The following EFNA5 variants were observed in gnomAD, a reference collection of about 807,000 sequenced individuals.
EFNA5 encodes ephrin-A5.
EFNA5 carries 5 observed loss-of-function variants against 22.9 expected under a neutral mutation model. The observed-to-expected ratio is 0.22, with a 90% CI of 0.11 to 0.46. The LOEUF is 0.46. EFNA5 is among the 20% of genes least tolerant of loss of function. The pLI is 0.99. For synonymous variants in EFNA5, 113 were observed against 112.2 expected, an observed-to-expected ratio of 1.01 and a Z score of -0.04; for missense variants, 237 against 293.3, an observed-to-expected ratio of 0.81 and a Z score of 1.40.
intron 1 of EFNA5, among the ~76,000 whole-genome samples, chr5:107,514,797 T>A (rs1747442477): frequency 6.6e-6 from 1 of 152,216 alleles, no homozygotes; most frequent in Admixed American, 6.5e-5. Context: ...TCCCGTCTCC[T>A]CTTTCCTTAC....
chr5:107,657,942 G>A (rs1750864999), intron 1 of EFNA5, among the ~76,000 whole-genome samples: 2 of 152,052 alleles, frequency 1.3e-5, no homozygotes, highest in South Asian at 4.1e-4. Flanking sequence ...GATTTGCTTT[G>A]AAAAAGCAAA....
At chr5:107,491,991 T>C (rs1490088727) in intron 1 of EFNA5, among the ~76,000 whole-genome samples, 1 of 152,068 alleles carries the variant, frequency 6.6e-6, no homozygotes, top group Admixed American at 6.5e-5. Flanking sequence ...CGCGCCACTA[T>C]GCCAGGCTAA....
intron 1 of EFNA5, among the ~76,000 whole-genome samples, chr5:107,602,843 G>GA (rs759024097): frequency 1.6e-5 from 2 of 124,884 alleles, no homozygotes; most frequent in Non-Finnish European, 3.6e-5. Context: ...AAGAAAGAAA[G>GA]AAAAAAATAC....
At position 107,427,414 on chromosome 5, in the gene EFNA5, G is replaced by A; in HGVS notation, c.221C>T (p.Thr74Ile). The stretch of plus-strand genomic sequence containing the variant: ...CACCATGTAGAGGACATAGCGCTCA[G>A]TCTTATCTTCTGGGACGGAGTCCTC... ...HYEDSVPEDK[T>I]ERYVLYMVNF... Residue 74 changes from threonine (T) to isoleucine (I), a missense_variant, in exon 2 of 5, where the codon ACT becomes ATT. This residue lies in a region of EFNA5 where 120 missense variants were observed against 140.5 expected (regional missense o/e 0.85). Transcript: ENST00000333274. 2 of 1,614,036 alleles carry A rather than the reference G, an allele frequency of 1.2e-6. No individual in the cohort carries two copies. The highest frequency in any genetic ancestry group is 1.7e-6 in the Non-Finnish European group (2 of 1,180,010).
intron 2 of EFNA5, among the ~76,000 whole-genome samples, chr5:107,409,061 A>G (rs754716306): frequency 2.6e-5 from 4 of 152,224 alleles, no homozygotes; most frequent in Non-Finnish European, 5.9e-5. Flanking sequence ...AAATCTTCCA[A>G]GGGGTCAGGT....
At chr5:107,479,248 ATAAT>A (rs1042054801) in intron 1 of EFNA5, among the ~76,000 whole-genome samples, 2 of 114,620 alleles carry the variant, frequency 1.7e-5, no homozygotes, top group African/African-American at 6.8e-5. Flanking sequence ...GCCAACAAAA[ATAAT>A]TAATGAAACA....
intron 1 of EFNA5, among the ~76,000 whole-genome samples, chr5:107,481,824 TG>T (rs1305756936): frequency 7.3e-6 from 1 of 136,784 alleles, no homozygotes; most frequent in Non-Finnish European, 1.5e-5. Context: ...CACTGCAGCC[TG>T]GGTGGTAGAG....
Position 107,493,574 on chromosome 5 carries a change from C to T in EFNA5, c.126-66065G>A, listed in dbSNP as rs185761990. On this transcript the variant is annotated intron_variant, in intron 1 of 4. Transcript: ENST00000333274. ...AAACAAACAAGTATATTACAAGACT[C>T]TGGAAAACCGAAGTCTTACATTTAC... 8.7e-4 allele frequency among the ~76,000 whole-genome samples: 132 copies of T among 152,326 alleles called. 1 individual carries two copies. The highest frequency in any genetic ancestry group is 2.7e-3 in the African/African-American group (114 of 41,572).
intron 1 of EFNA5, among the ~76,000 whole-genome samples, chr5:107,493,778 G>A (rs192464337): frequency 2.0e-4 from 31 of 152,274 alleles, no homozygotes; most frequent in African/African-American, 7.5e-4. Context: ...TGCCTTCAGA[G>A]TATTATCAGT....
In EFNA5 at chr5:107,622,788, G is replaced by A. The variant is rs543706079; in HGVS notation, c.125+47701C>T. Among the ~76,000 whole-genome samples the A allele has an allele frequency of 2.6e-5, 4 of 152,076 alleles. No homozygotes were observed. The South Asian group carries it at 8.3e-4, about 32-fold the overall frequency. ...TGTAATCCCAGCACTTTAGGAGGCC[G>A]AGGCGGGTGGATCATGAGGTCAGGA... On this transcript the variant is annotated intron_variant, in intron 1 of 4. Transcript: ENST00000333274.
chr5:107,569,521 GTA>G (rs1351602482), intron 1 of EFNA5, among the ~76,000 whole-genome samples: 1 of 125,722 alleles, frequency 8.0e-6, no homozygotes, highest in African/African-American at 3.1e-5. Flanking sequence ...ATATATGTGT[GTA>G]TATATATTTA....
At chr5:107,573,458 G>A (rs144367938) in intron 1 of EFNA5, among the ~76,000 whole-genome samples, 11 of 151,858 alleles carry the variant, frequency 7.2e-5, no homozygotes, top group East Asian at 1.9e-4. Context: ...CCTGTTGGCC[G>A]TAATTTTTAG....
intron 1 of EFNA5, among the ~76,000 whole-genome samples, chr5:107,591,923 TATA>T (rs1749348724): frequency 1.1e-4 from 1 of 9,456 alleles, no homozygotes; most frequent in African/African-American, 6.3e-4. Flanking sequence ...AAAATATATA[TATA>T]ATATATAATA....
intron 1 of EFNA5, among the ~76,000 whole-genome samples, chr5:107,521,784 A>C (rs551170685): frequency 9.9e-5 from 15 of 152,188 alleles, no homozygotes; most frequent in African/African-American, 2.6e-4. Flanking sequence ...AAAGTGCATA[A>C]ATTGTAAGTT....
chr5:107,670,759 A>T lies in EFNA5; in HGVS notation c.-146T>A, dbSNP rs1157885668. 1.7e-6 allele frequency: 2 copies of T among 1,164,368 alleles called. No individual in the cohort carries two copies. Among genetic ancestry groups the T allele is most frequent in the East Asian group, 2.6e-5 (1 of 38,426 alleles). 72.1% of individuals were successfully genotyped at this position (1,164,368 alleles called of 1,614,324 possible). ...AAAAATGAAAGTGGGCGAGAAAGGA[A>T]AGAGGCGCCCACCAAGCTGGGGAGG... On this transcript the variant is annotated 5_prime_UTR_variant, in exon 1 of 5. Transcript: ENST00000333274.
At chr5:107,524,474 C>T (rs765610695) in intron 1 of EFNA5, among the ~76,000 whole-genome samples, 1 of 152,164 alleles carries the variant, frequency 6.6e-6, no homozygotes, top group Non-Finnish European at 1.5e-5. Context: ...AGGTGAAAAA[C>T]AATAGGCAAG....
chr5:107,442,877 C>A (rs543875186), intron 1 of EFNA5, among the ~76,000 whole-genome samples: 31 of 149,442 alleles, frequency 2.1e-4, no homozygotes, highest in Admixed American at 1.0e-3. Context: ...GTATTTCCCC[C>A]CAAGACAGAA....
chr5:107,468,268 TCA>T (rs1750045749), intron 1 of EFNA5, among the ~76,000 whole-genome samples: 1 of 152,204 alleles, frequency 6.6e-6, no homozygotes, highest in Non-Finnish European at 1.5e-5. Context: ...TAGGCAAGAA[TCA>T]CATTGTCAAA....
intron 1 of EFNA5, among the ~76,000 whole-genome samples, chr5:107,551,095 C>T (rs1748283856): frequency 1.3e-5 from 2 of 152,088 alleles, no homozygotes; most frequent in South Asian, 2.1e-4. Flanking sequence ...ATTATGCGTC[C>T]TAACTCATTT....
Sources: gnomAD v4.1 joint callset for allele counts (sites outside exome capture counted in the v4.1 genomes callset) on GRCh38, gnomAD v4.1.1 for gene constraint, gnomAD v4.1.1 regional missense constraint, MANE v1.5 for transcripts, NCBI Gene and HGNC (gene_info 2026-07-23, HGNC 2026-07-21) for gene names.